The following RALGAPA2 variants were observed in gnomAD, a reference collection of about 807,000 sequenced individuals.
RALGAPA2 encodes the protein ral GTPase-activating protein subunit alpha-2.
RALGAPA2 carries 139 observed loss-of-function variants against 230.4 expected under a neutral mutation model. The ratio of observed to expected loss-of-function variants is 0.60; its 90% confidence interval spans 0.53 to 0.69. The LOEUF is 0.69. RALGAPA2 is among the 30% of genes least tolerant of loss of function. The pLI, the probability that RALGAPA2 is intolerant of heterozygous loss-of-function variation, is 0.00. For missense variants in RALGAPA2, 2,163 were observed against 2,276.0 expected, an observed-to-expected ratio of 0.95 and a Z score of 1.01; for synonymous variants, 847 against 837.8, an observed-to-expected ratio of 1.01 and a Z score of -0.19.
intron 37 of RALGAPA2, chr20:20,471,957 A>G (rs1402328338): frequency 5.3e-5 from 8 of 152,166 alleles, no homozygotes; most frequent in Non-Finnish European, 1.2e-4. Flanking sequence ...ATCACTTACT[A>G]TCAGGTTGGG....
intron 12 of RALGAPA2, among the ~76,000 whole-genome samples, chr20:20,617,971 T>G (rs2066200021): frequency 6.6e-6 from 1 of 152,186 alleles, no homozygotes; most frequent in South Asian, 2.1e-4. Flanking sequence ...TAAGTCCTCA[T>G]TTAACGTCAT....
chr20:20,656,973 C>A (rs556632932), intron 3 of RALGAPA2, among the ~76,000 whole-genome samples: 1 of 152,308 alleles, frequency 6.6e-6, no homozygotes, highest in South Asian at 2.1e-4. Context: ...CAAGCCTGCA[C>A]CTGCATCTAA....
chr20:20,615,076 G>C (rs2066095567), intron 13 of RALGAPA2, among the ~76,000 whole-genome samples: 1 of 152,100 alleles, frequency 6.6e-6, no homozygotes, highest in African/African-American at 2.4e-5. Context: ...ATGGAGAAGA[G>C]GAAGAAATGG....
At chr20:20,593,092 CTT>C (rs2065343730) in intron 16 of RALGAPA2, among the ~76,000 whole-genome samples, 1 of 152,174 alleles carries the variant, frequency 6.6e-6, no homozygotes, top group South Asian at 2.1e-4. Flanking sequence ...AAATTTTTGT[CTT>C]TTCACAGAGA....
At position 20,677,744 on chromosome 20, in the gene RALGAPA2, C is replaced by G. The variant is rs374522591; in HGVS notation, c.218-1456G>C. ...CTGCAAGCTCCGCCTCCTGGGTTCA[C>G]TCCATTCTCCTGCCTCAGCCTCCCA... On this transcript the variant is annotated intron_variant, in intron 2 of 39. Coordinates refer to ENST00000202677, the MANE Select transcript of RALGAPA2 (RefSeq NM_020343.4). 8.9e-5 allele frequency among the ~76,000 whole-genome samples: 13 copies of G among 145,494 alleles called. No homozygotes were observed. The South Asian group carries it at 1.1e-3, about 13-fold the overall frequency.
Position 20,676,294 on chromosome 20 carries a change from A to G in RALGAPA2, c.218-6T>C. On this transcript the variant is annotated splice_polypyrimidine_tract_variant and splice_region_variant and intron_variant, in intron 2 of 39. Transcript: ENST00000202677. ...CCTTTGTGACTTATTATTCCCTGGA[A>G]TATTAAAAAATAATTAGTTATCATG... 6.5e-7 allele frequency: 1 copy of G among 1,543,938 alleles called. No individual in the cohort carries two copies. Among genetic ancestry groups the G allele is most frequent in the East Asian group, 2.3e-5 (1 of 44,352 alleles).
intron 23 of RALGAPA2, among the ~76,000 whole-genome samples, chr20:20,561,983 A>G (rs1406975009): frequency 1.3e-5 from 2 of 152,204 alleles, no homozygotes; most frequent in African/African-American, 4.8e-5. Flanking sequence ...TGGAGGGGGC[A>G]AAATTCCCCT....
chr20:20,615,470 T>G (rs1247783112), intron 13 of RALGAPA2, among the ~76,000 whole-genome samples: 1 of 151,952 alleles, frequency 6.6e-6, no homozygotes, highest in Non-Finnish European at 1.5e-5. Context: ...CTGATAACTT[T>G]CAAATAAGAG....
At chr20:20,681,526 C>T (rs1376591516) in intron 1 of RALGAPA2, among the ~76,000 whole-genome samples, 2 of 152,160 alleles carry the variant, frequency 1.3e-5, no homozygotes, top group African/African-American at 2.4e-5. Flanking sequence ...CCAAGGGCCC[C>T]GATCAGCCAG....
chr20:20,457,764 T>C (rs2061156298), intron 37 of RALGAPA2, among the ~76,000 whole-genome samples: 4 of 152,160 alleles, frequency 2.6e-5, no homozygotes, highest in Non-Finnish European at 1.5e-5. Flanking sequence ...GTGAATTACA[T>C]AGTAACTGAG....
chr20:20,479,360 T>G (rs1030034013), intron 36 of RALGAPA2, among the ~76,000 whole-genome samples: 1 of 152,166 alleles, frequency 6.6e-6, no homozygotes, highest in East Asian at 1.9e-4. Flanking sequence ...GAGGGGCCAA[T>G]CTCACTTATG....
At chr20:20,436,336 A>G (rs781545552) in intron 37 of RALGAPA2, among the ~76,000 whole-genome samples, 25 of 152,346 alleles carry the variant, frequency 1.6e-4, no homozygotes, top group Middle Eastern at 3.4e-3. Context: ...TGTGCTTTGC[A>G]TGAGTTTTCT....
At chr20:20,459,425 C>CTTTTTTTTTTTTTTTTT (rs11476592) in intron 37 of RALGAPA2, among the ~76,000 whole-genome samples, 1 of 129,616 alleles carries the variant, frequency 7.7e-6, no homozygotes, top group South Asian at 2.5e-4. Flanking sequence ...GGTTTTTTTG[C>CTTTTTTTTTTTTTTTTT]TTTTTTTTTT....
chr20:20,685,241 T>C (rs2068658601), intron 1 of RALGAPA2, among the ~76,000 whole-genome samples: 1 of 152,074 alleles, frequency 6.6e-6, no homozygotes, highest in Non-Finnish European at 1.5e-5. Context: ...TGCTAAGCTT[T>C]AAAAAATTCA....
intron 1 of RALGAPA2, among the ~76,000 whole-genome samples, chr20:20,703,550 T>C (rs1420489746): frequency 6.6e-6 from 1 of 152,236 alleles, no homozygotes; most frequent in Non-Finnish European, 1.5e-5. Flanking sequence ...TTTAATAAAT[T>C]TCTTTTATAA....
In RALGAPA2 at chr20:20,495,233, C is replaced by G. The variant is rs537032951; in HGVS notation, c.5251G>C (p.Glu1751Gln). The change falls in exon 36 of 40, where the codon GAA becomes CAA. Residue 1751 changes from glutamate (E) to glutamine (Q), a missense_variant. Glu to Gln is a conservative substitution (Grantham distance 29). Transcript: ENST00000202677. ...CCCCTGCGGTAGTCTCTGGAGTGTTCAGACCAGACGATATGGACCTCGTCA... is the reference window on the plus strand; with the variant it reads ...CCCCTGCGGTAGTCTCTGGAGTGTTGAGACCAGACGATATGGACCTCGTCA... Reference protein sequence around the residue: ...GNDEVHIVWSEHSRDYRRGII... With the variant: ...GNDEVHIVWSQHSRDYRRGII... 3.4e-5 allele frequency: 54 copies of G among 1,590,106 alleles called. 1 individual carries two copies. In the South Asian group the frequency reaches 5.8e-4, roughly 17 times the overall value.
At chr20:20,604,031 T>C (rs561086080) in intron 15 of RALGAPA2, among the ~76,000 whole-genome samples, 77 of 152,206 alleles carry the variant, frequency 5.1e-4, no homozygotes, top group Non-Finnish European at 8.7e-4. Flanking sequence ...CTCTATTTGA[T>C]GTAACCCTGC....
chr20:20,486,674 T>C (rs1316155478), intron 36 of RALGAPA2, among the ~76,000 whole-genome samples: 2 of 152,210 alleles, frequency 1.3e-5, no homozygotes, highest in African/African-American at 4.8e-5. Flanking sequence ...CAATATTTCT[T>C]CTCCTTTCTC....
At chr20:20,443,533 T>G (rs925250086) in intron 37 of RALGAPA2, among the ~76,000 whole-genome samples, 2 of 152,206 alleles carry the variant, frequency 1.3e-5, no homozygotes, top group African/African-American at 4.8e-5. Context: ...CTGGTGCTAT[T>G]TGTCTTTTAT....
Sources: gnomAD v4.1 joint callset for allele counts (sites outside exome capture counted in the v4.1 genomes callset) on GRCh38, gnomAD v4.1.1 for gene constraint, MANE v1.5 for transcripts, NCBI Gene and HGNC (gene_info 2026-07-23, HGNC 2026-07-21) for gene names.